The following SOX5 variants were observed in gnomAD, a reference collection of about 807,000 sequenced individuals.
The protein encoded by SOX5 is transcription factor SOX-5.
SOX5 carries 9 observed loss-of-function variants against 92.0 expected under a neutral mutation model. The ratio of observed to expected loss-of-function variants is 0.10; its 90% CI spans 0.06 to 0.17. The LOEUF (loss-of-function observed/expected upper bound fraction) is 0.17, where lower values mean the gene tolerates loss of function less well. Ranked by LOEUF, SOX5 falls within the 10% of genes least tolerant of loss-of-function variation. The probability of loss-of-function intolerance (pLI) is 1.00; values close to 1 mark genes in which losing one functional copy is unlikely to be tolerated. For missense variants in SOX5, 642 were observed against 944.5 expected (o/e 0.68, Z 4.20); for synonymous variants, 344 against 336.3 (o/e 1.02, Z -0.25).
intron 4 of SOX5, among the ~76,000 whole-genome samples, chr12:23,754,020 A>G (rs2094279155): frequency 6.6e-6 from 1 of 151,830 alleles, no homozygotes; most frequent in Non-Finnish European, 1.5e-5. Flanking sequence ...CCAGAGGACA[A>G]TAACCTAACT....
chr12:24,401,406 A>G (rs188492589), intron 1 of SOX5, among the ~76,000 whole-genome samples: 1 of 151,614 alleles, frequency 6.6e-6, no homozygotes, highest in Non-Finnish European at 1.5e-5. Flanking sequence ...ATTTTGAACT[A>G]TGTCCATTAA....
chr12:23,800,546 C>G (rs1268889495), intron 3 of SOX5, among the ~76,000 whole-genome samples: 1 of 151,224 alleles, frequency 6.6e-6, no homozygotes, highest in African/African-American at 2.4e-5. Flanking sequence ...AGGTATCACT[C>G]TTTAAAATTT....
At chr12:23,854,612 T>C (rs2096667634) in intron 2 of SOX5, among the ~76,000 whole-genome samples, 1 of 152,146 alleles carries the variant, frequency 6.6e-6, no homozygotes, top group Non-Finnish European at 1.5e-5. Context: ...TATTATTTCA[T>C]TCACTCTATT....
chr12:24,095,128 C>CACACACACACAGAG (rs1345578614), intron 4 of SOX5, among the ~76,000 whole-genome samples: 73 of 90,224 alleles, frequency 8.1e-4, no homozygotes, highest in Non-Finnish European at 1.0e-3. Flanking sequence ...CACACACACA[C>CACACACACACAGAG]AGAGAGAGAG....
At chr12:23,895,747 C>A (rs1158636276) in intron 2 of SOX5, 46 bp downstream of exon 2, 1 of 1,345,214 alleles carries the variant, frequency 7.4e-7, no homozygotes, top group East Asian at 2.3e-5. Context: ...GAGGAGTAGA[C>A]TGGTCAAAAA....
chr12:23,752,759 A>G (rs11829730), intron 4 of SOX5, among the ~76,000 whole-genome samples: 3,925 of 151,998 alleles, frequency 0.026, 162 homozygotes, highest in African/African-American at 0.089. Flanking sequence ...GTTATACTAC[A>G]TCGCTTATAA....
At chr12:24,541,731 T>C (rs1431121041) in intron 1 of SOX5, among the ~76,000 whole-genome samples, 1 of 152,206 alleles carries the variant, frequency 6.6e-6, no homozygotes, top group African/African-American at 2.4e-5. Flanking sequence ...TTTTCCCCTA[T>C]TGTTTTGAGA....
intron 2 of SOX5, among the ~76,000 whole-genome samples, chr12:24,323,430 T>A (rs1175346613): frequency 6.6e-6 from 1 of 151,866 alleles, no homozygotes; most frequent in Non-Finnish European, 1.5e-5. Flanking sequence ...TTCTAGCACA[T>A]ACACTCAAAC....
intron 3 of SOX5, among the ~76,000 whole-genome samples, chr12:24,224,311 C>T (rs909278402): frequency 2.0e-5 from 3 of 151,988 alleles, no homozygotes; most frequent in Non-Finnish European, 2.9e-5. Flanking sequence ...TAGAATGTTT[C>T]GGAAGCTGAC....
At chr12:23,564,326 T>C (rs1946712736) in intron 10 of SOX5, among the ~76,000 whole-genome samples, 1 of 152,202 alleles carries the variant, frequency 6.6e-6, no homozygotes, top group South Asian at 2.1e-4. Context: ...AAAAAGATTG[T>C]TTTGCAAATA....
chr12:24,439,656 A>G, intron 1 of SOX5, among the ~76,000 whole-genome samples: 1 of 152,196 alleles, frequency 6.6e-6, no homozygotes, highest in Non-Finnish European at 1.5e-5. Flanking sequence ...GCACTTTGGG[A>G]GGCCAACGCG....
chr12:23,950,627 G>T, upstream of SOX5, among the ~76,000 whole-genome samples: 1 of 152,202 alleles, frequency 6.6e-6, no homozygotes, highest in East Asian at 1.9e-4. Context: ...TCGCTGGGGA[G>T]GTCAGGAGTA....
At chr12:23,703,288 G>C (rs1310535603) in intron 6 of SOX5, among the ~76,000 whole-genome samples, 2 of 152,026 alleles carry the variant, frequency 1.3e-5, no homozygotes, top group African/African-American at 2.4e-5. Context: ...GCTAACATCT[G>C]ACTATGTGGA....
intron 3 of SOX5, among the ~76,000 whole-genome samples, chr12:23,776,754 C>T (rs567610762): frequency 5.1e-4 from 77 of 152,194 alleles, no homozygotes; most frequent in African/African-American, 1.6e-3. Context: ...CAATAGGATT[C>T]GTGTGCCTAT....
At chr12:23,895,686 G>A in intron 2 of SOX5, 107 bp downstream of exon 2, 1 of 744,304 alleles carries the variant, frequency 1.3e-6, no homozygotes, top group South Asian at 1.7e-5. Context: ...TTGTGCATGG[G>A]TTCTTAAGTA....
intron 6 of SOX5, among the ~76,000 whole-genome samples, chr12:23,715,917 T>C (rs140847164): frequency 7.9e-5 from 12 of 151,976 alleles, no homozygotes; most frequent in Admixed American, 4.6e-4. Context: ...ATGACTATCA[T>C]TAGTAATAAA....
chr12:23,807,710 G>A (rs1332822114), intron 3 of SOX5, among the ~76,000 whole-genome samples: 5 of 148,940 alleles, frequency 3.4e-5, no homozygotes, highest in East Asian at 2.0e-4. Context: ...GCACAATCTC[G>A]GCTCACTGCA....
intron 1 of SOX5, among the ~76,000 whole-genome samples, chr12:24,558,092 A>C (rs544657991): frequency 1.3e-5 from 2 of 152,352 alleles, no homozygotes; most frequent in African/African-American, 4.8e-5. Context: ...CAACAAGTTT[A>C]TCTCTATGGA....
At chr12:23,839,721 C>T (rs2096487767) in intron 3 of SOX5, among the ~76,000 whole-genome samples, 1 of 151,528 alleles carries the variant, frequency 6.6e-6, no homozygotes, top group South Asian at 2.1e-4. Flanking sequence ...GAAAAATAAG[C>T]ATATATCATA....
Sources: allele counts gnomAD v4.1 joint callset (sites outside exome capture counted in the v4.1 genomes callset), GRCh38; gene constraint gnomAD v4.1.1; transcripts MANE v1.5; gene names NCBI Gene and HGNC (gene_info 2026-07-23, HGNC 2026-07-21).